PXDNL: variants seen among roughly 807,000 people sequenced by gnomAD.
PXDNL encodes peroxidasin like, also known as probable oxidoreductase PXDNL.
In PXDNL, 145 loss-of-function variants were observed where a neutral mutation model predicts 150.8. That is an observed-to-expected ratio of 0.96 (90% CI 0.84 to 1.10). The LOEUF (loss-of-function observed/expected upper bound fraction) is 1.10. Among genes scored for constraint, PXDNL ranks in the 50% least tolerant of loss-of-function variants. PXDNL has a pLI of 0.00. For synonymous variants in PXDNL, 757 were observed against 725.7 expected (o/e 1.04, Z -0.69); for missense variants, 2,087 against 1,873.9 (o/e 1.11, Z -2.10).
At chr8:51,626,568 C>A (rs1177589182) in intron 2 of PXDNL, among the ~76,000 whole-genome samples, 4 of 152,116 alleles carry the variant, frequency 2.6e-5, no homozygotes. Context: ...AGCCTCCAAA[C>A]AAATACCCAA....
At chr8:51,519,729 G>A (rs1462184447) in intron 4 of PXDNL, among the ~76,000 whole-genome samples, 2 of 152,190 alleles carry the variant, frequency 1.3e-5, no homozygotes, top group Non-Finnish European at 2.9e-5. Context: ...TGTAAGTGCC[G>A]AAAGGGTGAA....
intron 17 of PXDNL, among the ~76,000 whole-genome samples, chr8:51,382,085 C>T (rs1807566588): frequency 6.6e-6 from 1 of 152,078 alleles, no homozygotes; most frequent in Non-Finnish European, 1.5e-5. Flanking sequence ...GATCTGCCCG[C>T]CTTGGCCTCC....
Position 51,472,307 on chromosome 8 carries a change from G to A in PXDNL, c.695-3C>T. ...CTCAAAAGTAATTCGGGGGCTCTCT[G>A]CAACAAAAGAATTATTGATGTATTT... is the stretch of plus-strand genomic sequence containing the variant. On this transcript the variant is annotated splice_region_variant and splice_polypyrimidine_tract_variant and intron_variant, in intron 7 of 22. Transcript: ENST00000356297. 1 of 1,603,548 alleles carries A rather than the reference G, an allele frequency of 6.2e-7. No individual in the cohort carries two copies. The highest frequency in any genetic ancestry group is 8.5e-7 in the Non-Finnish European group (1 of 1,171,866).
chr8:51,417,337 T>C (rs1336983531), intron 14 of PXDNL, among the ~76,000 whole-genome samples: 1 of 152,232 alleles, frequency 6.6e-6, no homozygotes, highest in Non-Finnish European at 1.5e-5. Context: ...CTATTTGCAA[T>C]CCTATCCCTG....
At chr8:51,663,547 G>A (rs567974821) in intron 1 of PXDNL, among the ~76,000 whole-genome samples, 1 of 152,278 alleles carries the variant, frequency 6.6e-6, no homozygotes, top group South Asian at 2.1e-4. Context: ...GCGTTGACAG[G>A]GGTATGCGGC....
intron 21 of PXDNL, among the ~76,000 whole-genome samples, chr8:51,333,946 A>C (rs529407196): frequency 5.5e-4 from 84 of 152,306 alleles, no homozygotes; most frequent in Middle Eastern, 6.8e-3. Flanking sequence ...AATGGATCTA[A>C]ACTATGCCTT....
intron 1 of PXDNL, among the ~76,000 whole-genome samples, chr8:51,761,195 T>A (rs908788295): frequency 6.6e-6 from 1 of 151,958 alleles, no homozygotes; most frequent in Non-Finnish European, 1.5e-5. Flanking sequence ...AACTGTTTAG[T>A]ATCTCCTTGA....
At chr8:51,728,991 C>T (rs140651433) in intron 1 of PXDNL, among the ~76,000 whole-genome samples, 193 of 152,238 alleles carry the variant, frequency 1.3e-3, no homozygotes, top group African/African-American at 4.2e-3. Context: ...TTTTTCTGTA[C>T]CTTTTCTATT....
chr8:51,584,302 C>T (rs2130635224), intron 3 of PXDNL, among the ~76,000 whole-genome samples: 1 of 152,224 alleles, frequency 6.6e-6, no homozygotes, highest in Non-Finnish European at 1.5e-5. Flanking sequence ...ACCAGTCCAC[C>T]CCACTCTGTA....
At chr8:51,712,010 A>T (rs1816511903) in intron 1 of PXDNL, among the ~76,000 whole-genome samples, 1 of 152,194 alleles carries the variant, frequency 6.6e-6, no homozygotes, top group African/African-American at 2.4e-5. Flanking sequence ...TTCAGTCTCA[A>T]ATCCATCTCC....
intron 17 of PXDNL, among the ~76,000 whole-genome samples, chr8:51,390,351 G>T (rs1807854665): frequency 6.6e-6 from 1 of 152,058 alleles, no homozygotes; most frequent in East Asian, 1.9e-4. Flanking sequence ...ATATGCCCAG[G>T]GAAGTGGAAA....
At chr8:51,598,745 T>C (rs963671124) in intron 2 of PXDNL, among the ~76,000 whole-genome samples, 2 of 152,184 alleles carry the variant, frequency 1.3e-5, no homozygotes, top group Non-Finnish European at 2.9e-5. Context: ...TAGGTGATGC[T>C]GGCTTCAGAG....
chr8:51,565,673 T>TGCAAAA (rs1563466774), intron 3 of PXDNL, among the ~76,000 whole-genome samples: 13 of 151,902 alleles, frequency 8.6e-5, no homozygotes, highest in Admixed American at 8.5e-4. Flanking sequence ...AATGTACACA[T>TGCAAAA]AATTTGTCTC....
At chr8:51,504,799 T>C (rs1021892042) in intron 4 of PXDNL, among the ~76,000 whole-genome samples, 22 of 152,258 alleles carry the variant, frequency 1.4e-4, no homozygotes, top group African/African-American at 5.1e-4. Flanking sequence ...GCATGAGCAT[T>C]GTCTTTGCAA....
intron 19 of PXDNL, among the ~76,000 whole-genome samples, chr8:51,359,679 T>C (rs2130746301): frequency 6.6e-6 from 1 of 152,288 alleles, no homozygotes; most frequent in Middle Eastern, 3.4e-3. Context: ...TCCCTAAGTT[T>C]GACACTGGAT....
intron 8 of PXDNL, among the ~76,000 whole-genome samples, chr8:51,461,694 G>A (rs1810087199): frequency 6.6e-6 from 1 of 152,202 alleles, no homozygotes; most frequent in African/African-American, 2.4e-5. Flanking sequence ...CTTTGGCTCG[G>A]GTTTCCCCTA....
At chr8:51,383,820 T>A (rs970272142) in intron 17 of PXDNL, among the ~76,000 whole-genome samples, 1 of 152,192 alleles carries the variant, frequency 6.6e-6, no homozygotes, top group African/African-American at 2.4e-5. Context: ...CATATCTAAT[T>A]TCATAATGAC....
rs538160470 is a variant in PXDNL, at chr8:51,575,620, TAGGAGA to T, written c.308+17001_308+17006del. ...GTCCCAGCTACTCAGGAGGCTAAGG[TAGGAGA>T]ATTGGTCGAACCTGGAAGGTGGAGG... On this transcript the variant is annotated intron_variant, in intron 3 of 22. Transcript: ENST00000356297. Among the ~76,000 whole-genome samples, 98 of 151,782 alleles carry T rather than the reference TAGGAGA, an allele frequency of 6.5e-4. 3 individuals carry two copies. The South Asian group carries it at 0.02, about 31-fold the overall frequency.
At chr8:51,515,583 T>C (rs961874779) in intron 4 of PXDNL, among the ~76,000 whole-genome samples, 1 of 152,232 alleles carries the variant, frequency 6.6e-6, no homozygotes, top group Non-Finnish European at 1.5e-5. Flanking sequence ...CTTCATTTTC[T>C]CTTCCTCTTG....
Sources: gnomAD v4.1 joint callset for allele counts (sites outside exome capture counted in the v4.1 genomes callset) on GRCh38, gnomAD v4.1.1 for gene constraint, MANE v1.5 for transcripts, NCBI Gene and HGNC (gene_info 2026-07-23, HGNC 2026-07-21) for gene names.